Variants in KIAA1217 observed in about 807,000 individuals in gnomAD.
KIAA1217 encodes KIAA1217, also known as sickle tail protein homolog.
In KIAA1217, 88 loss-of-function variants were observed where a neutral mutation model predicts 163.9. The observed-to-expected ratio is 0.54, with a 90% CI of 0.45 to 0.64. The LOEUF (loss-of-function observed/expected upper bound fraction) is 0.64. Ranked by LOEUF, KIAA1217 falls within the 30% of genes least tolerant of loss-of-function variation. The pLI is 0.00. For synonymous variants in KIAA1217, 903 were observed against 923.1 expected (o/e 0.98, Z 0.39); for missense variants, 2,372 against 2,475.0 (o/e 0.96, Z 0.88).
chr10:23,856,028 G>A (rs777592896), intron 1 of KIAA1217, among the ~76,000 whole-genome samples: 81 of 152,284 alleles, frequency 5.3e-4, no homozygotes, highest in Middle Eastern at 3.4e-3. Context: ...GTCATTCTCC[G>A]TCCAGCTTTG....
At chr10:23,845,803 G>T (rs891389049) in intron 1 of KIAA1217, among the ~76,000 whole-genome samples, 1 of 152,070 alleles carries the variant, frequency 6.6e-6, no homozygotes, top group Non-Finnish European at 1.5e-5. Context: ...TGAAATCTTT[G>T]CCCATGCCTA....
At chr10:24,241,879 AC>A (rs1421213782) in intron 2 of KIAA1217, among the ~76,000 whole-genome samples, 2 of 152,172 alleles carry the variant, frequency 1.3e-5, no homozygotes, top group African/African-American at 4.8e-5. Flanking sequence ...TTCAGGTTCC[AC>A]ACTCCTGGGA....
intron 2 of KIAA1217, among the ~76,000 whole-genome samples, chr10:24,266,834 C>A (rs989972609): frequency 1.3e-5 from 2 of 152,174 alleles, no homozygotes; most frequent in Non-Finnish European, 2.9e-5. Context: ...CCGCTCGGTC[C>A]CCTTCCACGA....
At chr10:24,231,952 C>T (rs1421785158) in intron 2 of KIAA1217, among the ~76,000 whole-genome samples, 1 of 152,098 alleles carries the variant, frequency 6.6e-6, no homozygotes, top group Non-Finnish European at 1.5e-5. Context: ...TGCCACCACG[C>T]CTGAGTAATC....
intron 1 of KIAA1217, among the ~76,000 whole-genome samples, chr10:23,917,860 G>A (rs917623566): frequency 6.6e-6 from 1 of 152,184 alleles, no homozygotes; most frequent in African/African-American, 2.4e-5. Context: ...CATTTAGAGA[G>A]GTATGATCAC....
Position 23,790,411 on chromosome 10 carries a change from A to G in KIAA1217, c.-321+95177A>G, listed in dbSNP as rs1350088203. ...CATATGTATATATACATATATACAT[A>G]TACATATATACATATATACATATAC... On this transcript the variant is annotated intron_variant, in intron 1 of 18. Transcript: ENST00000376462. Among the ~76,000 whole-genome samples the G allele has an allele frequency of 7.5e-4, 45 of 59,910 alleles. 11 individuals carry two copies. The highest frequency in any genetic ancestry group is 6.5e-3 in the Admixed American group (35 of 5,348). 39.3% of individuals were successfully genotyped at this position (59,910 alleles called of 152,430 possible).
At chr10:23,868,516 G>A (rs1025546409) in intron 1 of KIAA1217, among the ~76,000 whole-genome samples, 5 of 152,076 alleles carry the variant, frequency 3.3e-5, no homozygotes, top group South Asian at 2.1e-4. Flanking sequence ...ACCAAATCAT[G>A]ACTCTCCTGA....
chr10:24,539,658 G>A (rs1429866398), intron 17 of KIAA1217, among the ~76,000 whole-genome samples: 1 of 152,170 alleles, frequency 6.6e-6, no homozygotes, highest in Non-Finnish European at 1.5e-5. Context: ...CCAACACTGA[G>A]TTTAGTCACA....
At chr10:23,894,715 G>A (rs1841596516) in intron 1 of KIAA1217, among the ~76,000 whole-genome samples, 1 of 147,146 alleles carries the variant, frequency 6.8e-6, no homozygotes, top group Non-Finnish European at 1.5e-5. Flanking sequence ...AAAGCTGGAG[G>A]CATCACGCTA....
chr10:24,264,765 T>TCTCTC lies in KIAA1217; in HGVS notation c.354+44856_354+44857insCTCTC, dbSNP rs2076051095. Among the ~76,000 whole-genome samples, 7 of 131,924 alleles carry TCTCTC rather than the reference T, an allele frequency of 5.3e-5. No individual in the cohort carries two copies. In the East Asian group the frequency reaches 8.9e-4, roughly 17 times the overall value. The allele number at this position is 131,924 out of a possible 152,430, so 86.5% of individuals were successfully genotyped here. On this transcript the variant is annotated intron_variant, in intron 2 of 20. Coordinates refer to ENST00000376454, the MANE Select transcript of KIAA1217 (RefSeq NM_019590.5). Reference sequence around the variant, plus strand: ...TGCTCTTGTGGTGGTCGGTCGGTCTTTCTCTCTCTCTCTCTCTCTCTCTCT... The same window carrying TCTCTC: ...TGCTCTTGTGGTGGTCGGTCGGTCTTCTCTCTCTCTCTCTCTCTCTCTCTCTCTCT...
chr10:24,066,071 A>C (rs1260591593), intron 2 of KIAA1217, among the ~76,000 whole-genome samples: 4 of 152,170 alleles, frequency 2.6e-5, no homozygotes, highest in Non-Finnish European at 5.9e-5. Flanking sequence ...AATACAGCAC[A>C]CTGATGAGTC....
chr10:24,155,254 T>C lies in KIAA1217; in HGVS notation c.-170-64372T>C, dbSNP rs548260513. 2.4e-3 allele frequency among the ~76,000 whole-genome samples: 369 copies of C among 152,294 alleles called. 2 individuals carry two copies. The highest frequency in any genetic ancestry group is 8.6e-3 in the African/African-American group (357 of 41,558). ...TTCCTTTTTGCCCTTGACAAATGGCTGTCCGTAACTGGAGATAGGATCAGG... is the reference window on the plus strand; with the variant it reads ...TTCCTTTTTGCCCTTGACAAATGGCCGTCCGTAACTGGAGATAGGATCAGG... On this transcript the variant is annotated intron_variant, in intron 2 of 18. Coordinates refer to the KIAA1217 transcript ENST00000376462.
intron 1 of KIAA1217, among the ~76,000 whole-genome samples, chr10:23,952,353 C>T (rs551658065): frequency 6.6e-6 from 1 of 152,256 alleles, no homozygotes; most frequent in East Asian, 1.9e-4. Context: ...TGCTGTCTTC[C>T]CTTCACCTTT....
At chr10:24,077,963 T>G (rs1161680304) in intron 2 of KIAA1217, among the ~76,000 whole-genome samples, 1 of 152,194 alleles carries the variant, frequency 6.6e-6, no homozygotes, top group African/African-American at 2.4e-5. Flanking sequence ...TTTTTTTTCA[T>G]ATCGTTGTTG....
At position 23,948,001 on chromosome 10, in the gene KIAA1217, C is replaced by T. The variant is rs544625300; in HGVS notation, c.-320-59224C>T. Among the ~76,000 whole-genome samples the T allele has an allele frequency of 6.6e-5, 10 of 152,304 alleles. No individual in the cohort carries two copies. In the South Asian group the frequency reaches 2.1e-3, roughly 32 times the overall value. On this transcript the variant is annotated intron_variant, in intron 1 of 18. Transcript: ENST00000376462. ...CATGGGCTCAGAAACGTGTCTTCCA[C>T]CTAATCTGATATGTTATCTGAGTTC... is the stretch of plus-strand genomic sequence containing the variant.
chr10:24,287,520 CTTGT>C (rs1305697768), intron 2 of KIAA1217, among the ~76,000 whole-genome samples: 2 of 152,162 alleles, frequency 1.3e-5, no homozygotes, highest in Non-Finnish European at 2.9e-5. Flanking sequence ...CTGAGAGTAG[CTTGT>C]TTGTCTTTTA....
At chr10:24,185,559 C>T (rs996197861) in intron 2 of KIAA1217, among the ~76,000 whole-genome samples, 1 of 152,208 alleles carries the variant, frequency 6.6e-6, no homozygotes. Context: ...CTTTGGGAGG[C>T]TGAGGTGGAC....
chr10:24,105,495 C>G (rs2062589985), intron 2 of KIAA1217, among the ~76,000 whole-genome samples: 1 of 152,136 alleles, frequency 6.6e-6, no homozygotes, highest in South Asian at 2.1e-4. Context: ...TGAGCTGAGC[C>G]AGGCATAAAT....
chr10:24,147,832 CAAAAAAAAAAAAAA>C (rs1176106711), intron 2 of KIAA1217, among the ~76,000 whole-genome samples: 41 of 20,770 alleles, frequency 2.0e-3, no homozygotes, highest in African/African-American at 2.0e-3. Context: ...TACTCTGTCT[CAAAAAAAAAAAAAA>C]AAAAAAAAAA....
Sources: allele counts gnomAD v4.1 joint callset (sites outside exome capture counted in the v4.1 genomes callset), GRCh38; gene constraint gnomAD v4.1.1; transcripts MANE v1.5; gene names NCBI Gene and HGNC (gene_info 2026-07-23, HGNC 2026-07-21).